NCKAP5: variants seen among roughly 807,000 people sequenced by gnomAD.
NCKAP5 encodes the protein nck-associated protein 5.
NCKAP5 carries 92 observed loss-of-function variants against 167.0 expected under a neutral mutation model. That is an observed-to-expected ratio of 0.55 (90% CI 0.47 to 0.66). NCKAP5 has a LOEUF of 0.66. NCKAP5 is among the 30% of genes least tolerant of loss of function. NCKAP5 has a pLI of 0.00. For missense variants in NCKAP5, 2,378 were observed against 2,315.0 expected (o/e 1.03, Z -0.56); for synonymous variants, 891 against 877.4 (o/e 1.02, Z -0.27).
At chr2:133,510,532 T>G (rs915299505) in intron 3 of NCKAP5, among the ~76,000 whole-genome samples, 2 of 152,196 alleles carry the variant, frequency 1.3e-5, no homozygotes, top group African/African-American at 2.4e-5. Context: ...AAGTCTCCCC[T>G]TCCCACCTCC....
intron 4 of NCKAP5, among the ~76,000 whole-genome samples, chr2:133,238,378 T>A (rs2087523614): frequency 6.6e-6 from 1 of 152,106 alleles, no homozygotes; most frequent in African/African-American, 2.4e-5. Flanking sequence ...AAGTCTCTGG[T>A]AGTATCACTG....
chr2:133,264,379 AG>A (rs1451065055), intron 4 of NCKAP5, among the ~76,000 whole-genome samples: 1 of 152,208 alleles, frequency 6.6e-6, no homozygotes, highest in Admixed American at 6.5e-5. Flanking sequence ...TAAACTGTAA[AG>A]TCCTAGTCAA....
chr2:132,932,752 A>G (rs1036777804), intron 8 of NCKAP5, among the ~76,000 whole-genome samples: 18 of 152,094 alleles, frequency 1.2e-4, no homozygotes, highest in Non-Finnish European at 2.5e-4. Context: ...GAACACATAG[A>G]AAAAAACAAG....
At chr2:133,517,803 T>C (rs1684135932) in intron 2 of NCKAP5, among the ~76,000 whole-genome samples, 1 of 152,208 alleles carries the variant, frequency 6.6e-6, no homozygotes, top group South Asian at 2.1e-4. Context: ...GTTTTGCTAA[T>C]GGAGTTGGGG....
chr2:133,054,791 A>G (rs1281066769), intron 6 of NCKAP5, among the ~76,000 whole-genome samples: 2 of 152,216 alleles, frequency 1.3e-5, no homozygotes, highest in African/African-American at 2.4e-5. Context: ...CTTGGCAATC[A>G]GATGTCCAGG....
At chr2:133,465,387 T>C in intron 3 of NCKAP5, among the ~76,000 whole-genome samples, 1 of 151,808 alleles carries the variant, frequency 6.6e-6, no homozygotes, top group Non-Finnish European at 1.5e-5. Context: ...ATGTGCCACA[T>C]TTTCTTAATC....
At chr2:133,122,254 G>A (rs1377821182) in intron 6 of NCKAP5, 1 of 152,132 alleles carries the variant, frequency 6.6e-6, no homozygotes, top group Non-Finnish European at 1.5e-5. Context: ...ATTTATTATT[G>A]AAAGTAGAAA....
At chr2:133,650,325 A>T in the NCKAP5 span, among the ~76,000 whole-genome samples, 1 of 152,254 alleles carries the variant, frequency 6.6e-6, no homozygotes, top group Admixed American at 6.5e-5. Context: ...TAACTAAAAA[A>T]AAGTCAAATG....
intron 2 of NCKAP5, among the ~76,000 whole-genome samples, chr2:133,545,399 C>T (rs1229737710): frequency 1.3e-5 from 2 of 152,058 alleles, no homozygotes; most frequent in African/African-American, 2.4e-5. Flanking sequence ...CAATAGTTTG[C>T]GCAGATTTAG....
chr2:133,134,789 T>A (rs1301323269), intron 5 of NCKAP5, among the ~76,000 whole-genome samples: 1 of 152,232 alleles, frequency 6.6e-6, no homozygotes, highest in African/African-American at 2.4e-5. Context: ...TCTGACCTTT[T>A]CTCCTGATAA....
At chr2:133,547,217 G>C (rs556224993) in intron 2 of NCKAP5, among the ~76,000 whole-genome samples, 8 of 152,178 alleles carry the variant, frequency 5.3e-5, no homozygotes, top group Admixed American at 2.0e-4. Context: ...CACCTGGCTC[G>C]GAGGGTCCTA....
chr2:132,748,143 G>A (rs544784452), intron 16 of NCKAP5, among the ~76,000 whole-genome samples: 2 of 152,292 alleles, frequency 1.3e-5, no homozygotes, highest in East Asian at 3.9e-4. Context: ...TTATCTTCAA[G>A]CTGTTATCAG....
At chr2:133,459,134 T>C (rs151294371) in intron 3 of NCKAP5, among the ~76,000 whole-genome samples, 11 of 152,310 alleles carry the variant, frequency 7.2e-5, no homozygotes, top group South Asian at 2.1e-4. Flanking sequence ...TCAATAGTTG[T>C]AGCATTTGGC....
intron 6 of NCKAP5, among the ~76,000 whole-genome samples, chr2:133,043,605 A>G (rs2079288761): frequency 6.6e-6 from 1 of 152,218 alleles, no homozygotes; most frequent in South Asian, 2.1e-4. Context: ...ATCCTGGGTC[A>G]CATGCAGCCC....
At chr2:133,189,434 T>C (rs919412330) in intron 5 of NCKAP5, among the ~76,000 whole-genome samples, 16 of 152,130 alleles carry the variant, frequency 1.1e-4, no homozygotes, top group African/African-American at 3.9e-4. Context: ...ATTCATTTTA[T>C]GAGGCCAGCA....
At chr2:133,514,600 G>T (rs188774322) in intron 3 of NCKAP5, among the ~76,000 whole-genome samples, 37 of 152,238 alleles carry the variant, frequency 2.4e-4, no homozygotes, top group African/African-American at 7.9e-4. Context: ...TACATTATGA[G>T]AATATTTTCC....
At chr2:133,672,774 T>C in the NCKAP5 span, among the ~76,000 whole-genome samples, 2 of 152,328 alleles carry the variant, frequency 1.3e-5, no homozygotes, top group South Asian at 2.1e-4. Context: ...CTGTGATCTG[T>C]AGTTTGTCAA....
At chr2:133,633,294 G>T in the NCKAP5 span, among the ~76,000 whole-genome samples, 1 of 152,156 alleles carries the variant, frequency 6.6e-6, no homozygotes, top group Non-Finnish European at 1.5e-5. Flanking sequence ...AATCAACTAT[G>T]GTGCTCTCTC....
At chr2:133,493,626 T>A (rs1451102889) in intron 3 of NCKAP5, among the ~76,000 whole-genome samples, 1 of 152,218 alleles carries the variant, frequency 6.6e-6, no homozygotes, top group Middle Eastern at 3.2e-3. Context: ...CTGTTTTGAG[T>A]TTCCCTGCTT....
Sources: gnomAD v4.1 joint callset for allele counts (sites outside exome capture counted in the v4.1 genomes callset) on GRCh38, gnomAD v4.1.1 for gene constraint, MANE v1.5 for transcripts, NCBI Gene and HGNC (gene_info 2026-07-23, HGNC 2026-07-21) for gene names.